EZH2: variants seen among roughly 807,000 people sequenced by gnomAD.
EZH2 encodes enhancer of zeste 2 polycomb repressive complex 2 subunit.
EZH2 carries 18 observed loss-of-function variants against 98.4 expected under a neutral mutation model. The ratio of observed to expected loss-of-function variants is 0.18; its 90% CI spans 0.13 to 0.27. The LOEUF is 0.27. Among genes scored for constraint, EZH2 ranks in the 10% least tolerant of loss-of-function variants. The pLI, the probability that EZH2 is intolerant of heterozygous loss-of-function variation, is 1.00. For missense variants in EZH2, 470 were observed against 935.1 expected, an observed-to-expected ratio of 0.50 and a Z score of 6.49; for synonymous variants, 338 against 312.3, an observed-to-expected ratio of 1.08 and a Z score of -0.87.
chr7:148,810,961 A>AT (rs1159808764), intron 16 of EZH2, among the ~76,000 whole-genome samples: 2 of 151,170 alleles, frequency 1.3e-5, no homozygotes, highest in Non-Finnish European at 2.9e-5. Context: ...TAGGCCTATG[A>AT]TTTTTCGGTA....
chr7:148,830,116 A>G (rs1157627610), intron 4 of EZH2, among the ~76,000 whole-genome samples: 1 of 152,202 alleles, frequency 6.6e-6, no homozygotes, highest in East Asian at 1.9e-4. Context: ...AAAACTTACC[A>G]CCATTATTGT....
At chr7:148,830,267 C>T (rs984684572) in intron 4 of EZH2, among the ~76,000 whole-genome samples, 7 of 152,280 alleles carry the variant, frequency 4.6e-5, no homozygotes, top group African/African-American at 9.6e-5. Context: ...GTGATCCACC[C>T]GCCTTGGCTC....
chr7:148,822,814 C>A (rs907812606), intron 8 of EZH2, among the ~76,000 whole-genome samples: 1 of 151,426 alleles, frequency 6.6e-6, no homozygotes, highest in South Asian at 2.1e-4. Context: ...AGGTGGTGCG[C>A]GCCTGTAATC....
At chr7:148,857,499 CCCAG>C (rs1459134275) in intron 1 of EZH2, among the ~76,000 whole-genome samples, 1 of 152,188 alleles carries the variant, frequency 6.6e-6, no homozygotes, top group Non-Finnish European at 1.5e-5. Flanking sequence ...GCTTGTTAAT[CCCAG>C]CACTTTGGGA....
chr7:148,859,806 G>C (rs1259760365), intron 1 of EZH2, among the ~76,000 whole-genome samples: 1 of 152,114 alleles, frequency 6.6e-6, no homozygotes, highest in Non-Finnish European at 1.5e-5. Flanking sequence ...TGCAGGCTCA[G>C]TATATCCGCA....
chr7:148,825,540 TAGG>T (rs762753886), intron 8 of EZH2, among the ~76,000 whole-genome samples: 42 of 152,044 alleles, frequency 2.8e-4, no homozygotes, highest in Non-Finnish European at 5.4e-4. Context: ...AGCAAACACT[TAGG>T]AGGAGGTGAG....
At chr7:148,878,689 A>C (rs1287597707) in intron 1 of EZH2, among the ~76,000 whole-genome samples, 2 of 152,130 alleles carry the variant, frequency 1.3e-5, no homozygotes, top group Non-Finnish European at 2.9e-5. Flanking sequence ...TCTTGAGTTC[A>C]GGAGTTCAAG....
chr7:148,813,044 A>G (rs1217379676), intron 15 of EZH2, among the ~76,000 whole-genome samples: 1 of 138,212 alleles, frequency 7.2e-6, no homozygotes, highest in African/African-American at 2.9e-5. Context: ...TCTACTCTAC[A>G]CCCCACATAC....
chr7:148,831,469 A>C (rs1478867671), intron 4 of EZH2, among the ~76,000 whole-genome samples: 1 of 152,222 alleles, frequency 6.6e-6, no homozygotes, highest in Non-Finnish European at 1.5e-5. Flanking sequence ...AGTTACAATA[A>C]AGATTGTGTG....
intron 1 of EZH2, among the ~76,000 whole-genome samples, chr7:148,849,042 G>A (rs1195857811): frequency 1.3e-5 from 2 of 151,848 alleles, no homozygotes; most frequent in Admixed American, 6.6e-5. Flanking sequence ...TTGTTATACT[G>A]TATTGTTTAG....
intron 13 of EZH2, 41 bp downstream of exon 13, chr7:148,815,465 T>C (rs1046916386): frequency 7.0e-6 from 11 of 1,576,996 alleles, no homozygotes; most frequent in Middle Eastern, 1.7e-4. Context: ...ACAAAGCAGA[T>C]ATTGTTAAGC....
At chr7:148,879,102 G>C (rs969280504) in intron 1 of EZH2, among the ~76,000 whole-genome samples, 1 of 150,630 alleles carries the variant, frequency 6.6e-6, no homozygotes, top group Non-Finnish European at 1.5e-5. Context: ...GTGCGTTCCC[G>C]TAATCCCAGC....
intron 15 of EZH2, among the ~76,000 whole-genome samples, chr7:148,813,588 A>G (rs1489244487): frequency 1.3e-5 from 2 of 151,946 alleles, no homozygotes; most frequent in South Asian, 2.1e-4. Context: ...GAATGAGTCT[A>G]TATTTTGATA....
At chr7:148,877,428 C>T (rs916855401) in intron 1 of EZH2, among the ~76,000 whole-genome samples, 7 of 152,178 alleles carry the variant, frequency 4.6e-5, no homozygotes, top group Non-Finnish European at 1.0e-4. Context: ...AGTACATCAA[C>T]TCTAAAATAA....
At position 148,819,698 on chromosome 7, in the gene EZH2, A is replaced by C; in HGVS notation, c.908-11T>G. On this transcript the variant is annotated splice_polypyrimidine_tract_variant and intron_variant, in intron 8 of 19. Transcript: ENST00000320356. ...GTGTTGCATGAAAAGCTGCAAAATA[A>C]ATGAAACAAAGAATCTAATATAACT... The C allele has an allele frequency of 4.3e-6, 7 of 1,610,910 alleles. No homozygotes were observed. The highest frequency in any genetic ancestry group is 5.9e-6 in the Non-Finnish European group (7 of 1,177,486).
At chr7:148,808,767 C>G (rs574074654) in intron 19 of EZH2, among the ~76,000 whole-genome samples, 1 of 152,122 alleles carries the variant, frequency 6.6e-6, no homozygotes, top group Non-Finnish European at 1.5e-5. Flanking sequence ...AAACGCTCCA[C>G]GAGTGAGCAT....
In EZH2 at chr7:148,807,659, AT is replaced by A; in HGVS notation, c.2242del (p.Met748TrpfsTer19). Reference sequence around the variant, plus strand: ...AGGTAGCAGATGTCAAGGGATTTCCATTTCTCTTTCGATGCCGACATACTTC... The same window carrying A: ...AGGTAGCAGATGTCAAGGGATTTCCATTCTCTTTCGATGCCGACATACTTC... ...ALKYVGIERE[M>X]EIP is the part of the protein sequence containing the mutation. On this transcript the variant is annotated frameshift_variant, in exon 20 of 20. Transcript: ENST00000320356. LOFTEE classifies it high-confidence loss of function. 1.3e-6 allele frequency: 2 copies of A among 1,597,676 alleles called. No homozygotes were observed. The highest frequency in any genetic ancestry group is 1.7e-6 in the Non-Finnish European group (2 of 1,171,488).
chr7:148,866,603 TTATA>T (rs1265299010), intron 1 of EZH2, among the ~76,000 whole-genome samples: 6 of 147,068 alleles, frequency 4.1e-5, no homozygotes, highest in South Asian at 2.1e-4. Context: ...ACACTATATA[TTATA>T]TATAATATAT....
At chr7:148,874,449 G>A (rs1819898907) in intron 1 of EZH2, among the ~76,000 whole-genome samples, 1 of 151,882 alleles carries the variant, frequency 6.6e-6, no homozygotes, top group Non-Finnish European at 1.5e-5. Flanking sequence ...AGAGAGTTTG[G>A]GCTGTTCTAC....
Sources: allele counts gnomAD v4.1 joint callset (sites outside exome capture counted in the v4.1 genomes callset), GRCh38; gene constraint gnomAD v4.1.1; transcripts MANE v1.5; gene names NCBI Gene and HGNC (gene_info 2026-07-23, HGNC 2026-07-21).